Variants in RCOR1 observed in about 807,000 individuals in gnomAD.
RCOR1 encodes the protein REST corepressor.
In RCOR1, 12 loss-of-function variants were observed where a neutral mutation model predicts 64.0. The observed-to-expected ratio is 0.19, with a 90% CI of 0.12 to 0.30. RCOR1 has a LOEUF of 0.30. Ranked by LOEUF, RCOR1 falls within the 10% of genes least tolerant of loss-of-function variation. RCOR1 has a pLI of 1.00. For synonymous variants in RCOR1, 279 were observed against 227.2 expected (o/e 1.23, Z -2.05); for missense variants, 502 against 621.2 (o/e 0.81, Z 2.04).
Position 102,619,719 on chromosome 14 carries a change from G to A in RCOR1, c.361+26394G>A, listed in dbSNP as rs187130965. 1.4e-3 allele frequency among the ~76,000 whole-genome samples: 218 copies of A among 152,204 alleles called. 4 individuals carry two copies. Among genetic ancestry groups the A allele is most frequent in the Admixed American group, 8.3e-3 (126 of 15,256 alleles). On this transcript the variant is annotated intron_variant, in intron 2 of 11. Coordinates refer to ENST00000262241, the MANE Select transcript of RCOR1 (RefSeq NM_015156.4). ...TGATCTCAAACTCCTGACCTCAGGTGATCTGCCCACCTCAGCCTCCCAAAG... is the reference window on the plus strand; with the variant it reads ...TGATCTCAAACTCCTGACCTCAGGTAATCTGCCCACCTCAGCCTCCCAAAG...
At chr14:102,611,465 C>T (rs1341699077) in intron 2 of RCOR1, among the ~76,000 whole-genome samples, 2 of 151,976 alleles carry the variant, frequency 1.3e-5, no homozygotes, top group African/African-American at 4.8e-5. Context: ...TTTTCTTCCT[C>T]TTTTTGGGTT....
At chr14:102,607,474 T>C (rs963861608) in intron 2 of RCOR1, among the ~76,000 whole-genome samples, 4 of 152,116 alleles carry the variant, frequency 2.6e-5, no homozygotes, top group Non-Finnish European at 5.9e-5. Context: ...TGGCCAGGTG[T>C]GGTGACTCAT....
intron 2 of RCOR1, among the ~76,000 whole-genome samples, chr14:102,605,431 G>A (rs1441390375): frequency 3.3e-5 from 5 of 152,152 alleles, no homozygotes; most frequent in African/African-American, 7.2e-5. Flanking sequence ...CAAAACAAAT[G>A]TCATTTTGGT....
chr14:102,621,367 C>CTTTTTT lies in RCOR1; in HGVS notation c.361+28063_361+28068dup, dbSNP rs35481023. Among the ~76,000 whole-genome samples the CTTTTTT allele has an allele frequency of 2.7e-3, 213 of 78,506 alleles. 9 individuals carry two copies. The highest frequency in any genetic ancestry group is 0.011 in the African/African-American group (208 of 19,656). The allele number at this position is 78,506 out of a possible 152,430, so 51.5% of individuals were successfully genotyped here. A position where few individuals can be genotyped will look rare whatever the true frequency, so the allele number is the denominator to read the frequency against. ...AACTGTCTTGCACACCAGTCTTTGT[C>CTTTTTT]TTTTTTTTTTTTTTTTTTTTTTTTT... is the stretch of plus-strand genomic sequence containing the variant. On this transcript the variant is annotated intron_variant, in intron 2 of 11. Transcript: ENST00000262241.
At chr14:102,646,072 G>C (rs531123042) in intron 2 of RCOR1, among the ~76,000 whole-genome samples, 2 of 152,152 alleles carry the variant, frequency 1.3e-5, no homozygotes, top group Non-Finnish European at 2.9e-5. Flanking sequence ...GGTTCTAGGG[G>C]AGGAAAACAG....
At chr14:102,597,376 T>C (rs191873667) in intron 2 of RCOR1, among the ~76,000 whole-genome samples, 1,532 of 152,130 alleles carry the variant, frequency 0.01, 16 homozygotes, top group Admixed American at 0.015. Flanking sequence ...TCACCCAGGC[T>C]GGAGTGCAGT....
At chr14:102,632,757 C>A (rs1171262926) in intron 2 of RCOR1, among the ~76,000 whole-genome samples, 4 of 93,074 alleles carry the variant, frequency 4.3e-5, no homozygotes. Flanking sequence ...CCCCTCCCCT[C>A]CCCTCCCCTC....
chr14:102,727,562 C>T lies in RCOR1; in HGVS notation c.*1056C>T, dbSNP rs149149103. 3 of 152,182 alleles carry T rather than the reference C, an allele frequency of 2.0e-5. No individual in the cohort carries two copies. Among genetic ancestry groups the T allele is most frequent in the East Asian group, 1.9e-4 (1 of 5,170 alleles). 9.4% of individuals were successfully genotyped at this position (152,182 alleles called of 1,614,324 possible). A position where few individuals can be genotyped will look rare whatever the true frequency, so the allele number is the denominator to read the frequency against. Reference sequence around the variant, plus strand: ...TTTATGAAAGCTGCGCGTTGTTCCGCGTTCTCTCGGTGTGCCTGGCCTTTT... The same window carrying T: ...TTTATGAAAGCTGCGCGTTGTTCCGTGTTCTCTCGGTGTGCCTGGCCTTTT... On this transcript the variant is annotated 3_prime_UTR_variant, in exon 12 of 12. Coordinates refer to ENST00000262241, the MANE Select transcript of RCOR1 (RefSeq NM_015156.4).
intron 2 of RCOR1, among the ~76,000 whole-genome samples, chr14:102,616,846 T>C (rs1231184681): frequency 6.6e-6 from 1 of 152,198 alleles, no homozygotes; most frequent in Non-Finnish European, 1.5e-5. Context: ...TTAAATCTTT[T>C]GGCCATTGGT....
At chr14:102,714,743 G>A (rs1896033432) in intron 8 of RCOR1, 126 bp downstream of exon 8, 1 of 699,832 alleles carries the variant, frequency 1.4e-6, no homozygotes, top group South Asian at 2.4e-5. Context: ...CGAAGGAATT[G>A]GACAGATCTT....
rs1894546403 is a variant in RCOR1 at position 102,649,682 on chromosome 14, G to C, written c.362-32213G>C. 6.2e-6 allele frequency: 3 copies of C among 482,442 alleles called. No individual in the cohort carries two copies. In the South Asian group the frequency reaches 2.7e-4, roughly 43 times the overall value. 29.9% of individuals were successfully genotyped at this position (482,442 alleles called of 1,614,324 possible). On this transcript the variant is annotated intron_variant, in intron 2 of 11. Transcript: ENST00000262241. ...TTAAGACCTCCACTGAAGCAGTTCT[G>C]TGGGGTAATTCTGGTGTTGTCCTAG...
rs1555462466 is a variant in RCOR1 at position 102,623,387 on chromosome 14, A to ATTAATTATTTATTTATTTATTTATTAT, written c.361+30065_361+30066insATTATTTATTTATTTATTTATTATTTA. On this transcript the variant is annotated intron_variant, in intron 2 of 11. Coordinates refer to ENST00000262241, the MANE Select transcript of RCOR1 (RefSeq NM_015156.4). The stretch of plus-strand genomic sequence containing the variant: ...AACAATTTACTTCCTTTATTTATTT[A>ATTAATTATTTATTTATTTATTTATTAT]TTATTTATTTATTTATTTATTTATT... Among the ~76,000 whole-genome samples, 5 of 124,836 alleles carry ATTAATTATTTATTTATTTATTTATTAT rather than the reference A, an allele frequency of 4.0e-5. No homozygotes were observed. The East Asian group carries it at 9.9e-4, about 25-fold the overall frequency. The allele number at this position is 124,836 out of a possible 152,430, so 81.9% of individuals were successfully genotyped here. A position where few individuals can be genotyped will look rare whatever the true frequency, so the allele number is the denominator to read the frequency against.
intron 2 of RCOR1, among the ~76,000 whole-genome samples, chr14:102,678,296 C>G (rs908474780): frequency 6.6e-6 from 1 of 151,568 alleles, no homozygotes; most frequent in Non-Finnish European, 1.5e-5. Context: ...TGTGCAGGTG[C>G]TTTTTTTTGT....
chr14:102,718,465 A>G (rs1312564848), intron 8 of RCOR1, among the ~76,000 whole-genome samples: 1 of 152,112 alleles, frequency 6.6e-6, no homozygotes, highest in Admixed American at 6.5e-5. Flanking sequence ...TAGCCAGTGA[A>G]CAGTGCTGGT....
chr14:102,722,049 T>C, intron 10 of RCOR1, 138 bp from the exon 11 acceptor site: 1 of 664,662 alleles, frequency 1.5e-6, no homozygotes, highest in Non-Finnish European at 2.6e-6. Context: ...TTTTTCCTAC[T>C]CTAATAATAC....
At chr14:102,686,330 G>A (rs1443339106) in intron 3 of RCOR1, among the ~76,000 whole-genome samples, 1 of 152,174 alleles carries the variant, frequency 6.6e-6, no homozygotes, top group African/African-American at 2.4e-5. Context: ...AGAAGGTACA[G>A]AGTGCCCATT....
chr14:102,630,793 G>A (rs1167562251), intron 2 of RCOR1, among the ~76,000 whole-genome samples: 1 of 152,270 alleles, frequency 6.6e-6, no homozygotes, highest in South Asian at 2.1e-4. Flanking sequence ...ATAGGAAAGT[G>A]CACCGAACCA....
intron 2 of RCOR1, among the ~76,000 whole-genome samples, chr14:102,676,319 G>A (rs1328598636): frequency 2.9e-4 from 42 of 145,570 alleles, no homozygotes; most frequent in Non-Finnish European, 7.5e-5. Flanking sequence ...TCCCGGATGG[G>A]GCGGCTGGCC....
chr14:102,696,808 C>CTTTTTTT (rs71305075), intron 3 of RCOR1, among the ~76,000 whole-genome samples: 5 of 57,408 alleles, frequency 8.7e-5, no homozygotes, highest in Non-Finnish European at 1.0e-4. Flanking sequence ...ATCTGCTTAT[C>CTTTTTTT]TTTTTTTTTT....
Sources: gnomAD v4.1 joint callset for allele counts (sites outside exome capture counted in the v4.1 genomes callset) on GRCh38, gnomAD v4.1.1 for gene constraint, MANE v1.5 for transcripts, NCBI Gene and HGNC (gene_info 2026-07-23, HGNC 2026-07-21) for gene names.